The following RSU1 variants were observed in gnomAD, a reference collection of about 807,000 sequenced individuals.
RSU1 encodes the protein Ras suppressor protein 1.
A neutral mutation model predicts 31.1 loss-of-function variants in RSU1; 26 were observed. The ratio of observed to expected loss-of-function variants is 0.84; its 90% CI spans 0.61 to 1.16. RSU1 has a LOEUF of 1.16. RSU1 is among the 50% of genes most tolerant of loss of function. The pLI is 0.00. For synonymous variants in RSU1, 164 were observed against 136.3 expected (o/e 1.20, Z -1.41); for missense variants, 320 against 339.1 (o/e 0.94, Z 0.44).
At chr10:16,737,428 C>A (rs78428519) in intron 7 of RSU1, among the ~76,000 whole-genome samples, 1 of 151,056 alleles carries the variant, frequency 6.6e-6, no homozygotes, top group South Asian at 2.1e-4. Flanking sequence ...AAACCAGAGA[C>A]AAGAAAACAC....
intron 8 of RSU1, among the ~76,000 whole-genome samples, chr10:16,642,852 G>T (rs1280964782): frequency 1.3e-5 from 2 of 152,012 alleles, no homozygotes; most frequent in Non-Finnish European, 2.9e-5. Context: ...TAAAAGCCAG[G>T]TTTATTGAAG....
chr10:16,645,948 G>A lies in RSU1; in HGVS notation c.731+49075C>T, dbSNP rs375461618. Among the ~76,000 whole-genome samples, 11 of 37,264 alleles carry A rather than the reference G, an allele frequency of 3.0e-4. 3 individuals are homozygous for A. Among genetic ancestry groups the A allele is most frequent in the Admixed American group, 8.5e-4 (3 of 3,518 alleles). The allele number at this position is 37,264 out of a possible 152,430, so 24.4% of individuals were successfully genotyped here. On this transcript the variant is annotated intron_variant, in intron 8 of 8. Transcript: ENST00000345264. ...TATATACACATATGTGTATATATAT[G>A]TGTATATACATATATGTGTATATAT...
intron 2 of RSU1, among the ~76,000 whole-genome samples, chr10:16,798,981 C>G (rs530456079): frequency 2.7e-4 from 41 of 152,214 alleles, no homozygotes; most frequent in Non-Finnish European, 5.0e-4. Context: ...TCTCTTGATG[C>G]CTTTCTGAGG....
chr10:16,639,743 T>G (rs961885900), intron 8 of RSU1, among the ~76,000 whole-genome samples: 1 of 152,216 alleles, frequency 6.6e-6, no homozygotes, highest in Non-Finnish European at 1.5e-5. Flanking sequence ...CATGGAGACT[T>G]TGTGACAATA....
chr10:16,684,042 G>T (rs2131551742), intron 8 of RSU1, among the ~76,000 whole-genome samples: 1 of 152,306 alleles, frequency 6.6e-6, no homozygotes. Context: ...AGAGACAACA[G>T]ATGACAAATG....
chr10:16,699,679 A>G (rs1179602637), intron 7 of RSU1, among the ~76,000 whole-genome samples: 1 of 152,216 alleles, frequency 6.6e-6, no homozygotes, highest in Non-Finnish European at 1.5e-5. Context: ...TGTGACAAAG[A>G]GGATCTAATA....
intron 2 of RSU1, among the ~76,000 whole-genome samples, chr10:16,795,214 T>G (rs955713473): frequency 6.6e-6 from 1 of 151,398 alleles, no homozygotes; most frequent in East Asian, 1.9e-4. Flanking sequence ...ATTAGCCAAG[T>G]GTGATGGTGG....
At chr10:16,644,591 C>G (rs763356053) in intron 8 of RSU1, among the ~76,000 whole-genome samples, 1 of 152,156 alleles carries the variant, frequency 6.6e-6, no homozygotes, top group Non-Finnish European at 1.5e-5. Context: ...AGTAGTGACT[C>G]TAGAACAGAA....
chr10:16,681,767 G>A (rs1835331805), intron 8 of RSU1, among the ~76,000 whole-genome samples: 1 of 152,078 alleles, frequency 6.6e-6, no homozygotes. Flanking sequence ...AGTAATCTAA[G>A]AACAAGTCCT....
At chr10:16,595,570 A>C (rs1166033000) in intron 8 of RSU1, among the ~76,000 whole-genome samples, 1 of 152,194 alleles carries the variant, frequency 6.6e-6, no homozygotes, top group East Asian at 1.9e-4. Flanking sequence ...GACAGAGAAC[A>C]TAAGAGCCTG....
At chr10:16,783,622 A>G (rs34459929) in intron 2 of RSU1, among the ~76,000 whole-genome samples, 20,475 of 151,422 alleles carry the variant, frequency 0.14, 2,077 homozygotes, top group East Asian at 0.33. Context: ...CCAAAGTGCT[A>G]GGATTACAGG....
At chr10:16,614,946 G>A (rs184512116) in intron 8 of RSU1, among the ~76,000 whole-genome samples, 1 of 152,256 alleles carries the variant, frequency 6.6e-6, no homozygotes, top group Non-Finnish European at 1.5e-5. Context: ...AAAATATAAA[G>A]ACCAAGGACA....
chr10:16,641,991 A>G (rs78099736), intron 8 of RSU1, among the ~76,000 whole-genome samples: 3,173 of 152,330 alleles, frequency 0.021, 108 homozygotes, highest in African/African-American at 0.072. Flanking sequence ...TTTAGCGCTG[A>G]CAATCTAAGA....
chr10:16,728,381 T>C (rs910368075), intron 7 of RSU1, among the ~76,000 whole-genome samples: 2 of 152,236 alleles, frequency 1.3e-5, no homozygotes, highest in African/African-American at 2.4e-5. Flanking sequence ...CAGTCACATA[T>C]ACACCTACAC....
chr10:16,729,030 C>G (rs916564146), intron 7 of RSU1, among the ~76,000 whole-genome samples: 3 of 152,194 alleles, frequency 2.0e-5, no homozygotes, highest in Non-Finnish European at 4.4e-5. Context: ...TTGTTTATAG[C>G]AGCAATAGGA....
At chr10:16,728,343 A>C (rs531598098) in intron 7 of RSU1, among the ~76,000 whole-genome samples, 1 of 152,200 alleles carries the variant, frequency 6.6e-6, no homozygotes, top group Non-Finnish European at 1.5e-5. Context: ...AATAAACTTC[A>C]TTTCTCCCCA....
intron 7 of RSU1, among the ~76,000 whole-genome samples, chr10:16,725,073 C>T (rs750454593): frequency 3.3e-5 from 5 of 152,216 alleles, no homozygotes; most frequent in Admixed American, 6.5e-5. Flanking sequence ...CAGTGGTGTT[C>T]TATTTCTTCA....
chr10:16,630,602 G>A (rs952687296), intron 8 of RSU1, among the ~76,000 whole-genome samples: 4 of 152,288 alleles, frequency 2.6e-5, no homozygotes, highest in Non-Finnish European at 4.4e-5. Flanking sequence ...TAGCACAGCC[G>A]ACTCCCAGAC....
At chr10:16,683,947 C>G (rs991437876) in intron 8 of RSU1, among the ~76,000 whole-genome samples, 2 of 152,080 alleles carry the variant, frequency 1.3e-5, no homozygotes, top group African/African-American at 2.4e-5. Context: ...TGTCTAAGAC[C>G]TGGGATTAAT....
Sources: allele counts gnomAD v4.1 joint callset (sites outside exome capture counted in the v4.1 genomes callset), GRCh38; gene constraint gnomAD v4.1.1; transcripts MANE v1.5; gene names NCBI Gene and HGNC (gene_info 2026-07-23, HGNC 2026-07-21).